The following PDE4D variants were observed in gnomAD, a reference collection of about 807,000 sequenced individuals.
PDE4D encodes the protein 3',5'-cyclic-AMP phosphodiesterase 4D.
A neutral mutation model predicts 87.4 loss-of-function variants in PDE4D; 24 were observed. That is an observed-to-expected ratio of 0.27 (90% CI 0.20 to 0.39). PDE4D has a LOEUF of 0.39. Among genes scored for constraint, PDE4D ranks in the 10% least tolerant of loss-of-function variants. The pLI, the probability that PDE4D is intolerant of heterozygous loss-of-function variation, is 1.00. For synonymous variants in PDE4D, 384 were observed against 383.2 expected (o/e 1.00, Z -0.02); for missense variants, 714 against 1,041.0 (o/e 0.69, Z 4.32).
At chr5:60,083,955 A>ATTC (rs1774255938) in intron 2 of PDE4D, among the ~76,000 whole-genome samples, 1 of 152,192 alleles carries the variant, frequency 6.6e-6, no homozygotes, top group Non-Finnish European at 1.5e-5. Context: ...GGCTTATTAG[A>ATTC]AATTCCCTCT....
chr5:60,378,777 C>T (rs534245962), intron 1 of PDE4D, among the ~76,000 whole-genome samples: 3 of 152,004 alleles, frequency 2.0e-5, no homozygotes, highest in African/African-American at 7.2e-5. Context: ...CACTTGAACC[C>T]GGAAGGCAGA....
intron 1 of PDE4D, among the ~76,000 whole-genome samples, chr5:60,505,273 C>T (rs1391853033): frequency 6.6e-6 from 1 of 152,214 alleles, no homozygotes; most frequent in East Asian, 1.9e-4. Context: ...CATTTTGGCA[C>T]ATTTAGGAAT....
chr5:59,347,499 C>T (rs1457483789), intron 1 of PDE4D, among the ~76,000 whole-genome samples: 3 of 152,096 alleles, frequency 2.0e-5, no homozygotes, highest in Non-Finnish European at 4.4e-5. Flanking sequence ...TTATTCTTAG[C>T]TTAAGGTGTT....
chr5:59,087,798 C>G (rs1366898708), intron 5 of PDE4D, among the ~76,000 whole-genome samples: 1 of 152,150 alleles, frequency 6.6e-6, no homozygotes, highest in African/African-American at 2.4e-5. Context: ...TTTGCTCGAA[C>G]TATTGACCCC....
intron 1 of PDE4D, among the ~76,000 whole-genome samples, chr5:59,732,688 C>T (rs1041176857): frequency 2.0e-5 from 3 of 152,020 alleles, no homozygotes; most frequent in African/African-American, 7.2e-5. Flanking sequence ...TTAGGCAAGA[C>T]AGCTAAAAGC....
At chr5:59,356,891 A>T (rs756579135) in intron 1 of PDE4D, 27 of 1,505,150 alleles carry the variant, frequency 1.8e-5, no homozygotes, top group Middle Eastern at 3.5e-4. Flanking sequence ...GAGAAGTCAG[A>T]GCTGGTGCGG....
chr5:60,519,712 G>A (rs1043950278), intron 1 of PDE4D, among the ~76,000 whole-genome samples: 7 of 152,210 alleles, frequency 4.6e-5, no homozygotes, highest in Non-Finnish European at 7.3e-5. Context: ...TGCCTTTGGA[G>A]GAGGCTTTTC....
At chr5:60,491,774 T>C (rs1749545445), upstream of PDE4D, among the ~76,000 whole-genome samples, 1 of 152,226 alleles carries the variant, frequency 6.6e-6, no homozygotes, top group Admixed American at 6.5e-5. Context: ...GTAGAAACTC[T>C]GGAGTCAGGC....
intron 2 of PDE4D, among the ~76,000 whole-genome samples, chr5:60,052,394 C>A (rs754798606): frequency 5.3e-5 from 8 of 152,210 alleles, no homozygotes; most frequent in South Asian, 2.1e-4. Flanking sequence ...ATATGCAAAT[C>A]ATTAAACATA....
chr5:60,119,902 T>G (rs1187384867), intron 2 of PDE4D, among the ~76,000 whole-genome samples: 1 of 152,140 alleles, frequency 6.6e-6, no homozygotes, highest in Non-Finnish European at 1.5e-5. Context: ...CATCAGTATA[T>G]ACATGGGACC....
intron 1 of PDE4D, among the ~76,000 whole-genome samples, chr5:59,404,412 A>T (rs937014165): frequency 2.6e-5 from 4 of 151,420 alleles, no homozygotes; most frequent in African/African-American, 7.3e-5. Context: ...CAATCCATGC[A>T]CTTTGGGAGG....
intron 5 of PDE4D, among the ~76,000 whole-genome samples, chr5:59,175,471 C>CTTTTTTTTTTTTTTT (rs563138575): frequency 1.1e-5 from 1 of 91,208 alleles, no homozygotes; most frequent in Non-Finnish European, 2.1e-5. Flanking sequence ...ATTTTTCTTT[C>CTTTTTTTTTTTTTTT]TTTTTTTTTT....
intron 1 of PDE4D, among the ~76,000 whole-genome samples, chr5:60,324,937 T>C (rs1756646455): frequency 1.3e-5 from 2 of 152,024 alleles, no homozygotes; most frequent in African/African-American, 4.8e-5. Context: ...ACTAGAAAAC[T>C]CAAAGACATG....
In PDE4D at chr5:59,571,491, G is replaced by A. The variant is rs893059546; in HGVS notation, c.455+321677C>T. Among the ~76,000 whole-genome samples the A allele has an allele frequency of 2.6e-5, 4 of 152,160 alleles. No individual in the cohort carries two copies. In the East Asian group the frequency reaches 7.7e-4, roughly 29 times the overall value. On this transcript the variant is annotated intron_variant, in intron 1 of 14. Transcript: ENST00000340635. ...AAGATAGATTTTGGGGAGAGGTGGGGGAAAGTGGCCACAATCTTCAATATT... is the reference window on the plus strand; with the variant it reads ...AAGATAGATTTTGGGGAGAGGTGGGAGAAAGTGGCCACAATCTTCAATATT...
intron 2 of PDE4D, among the ~76,000 whole-genome samples, chr5:60,090,220 C>A (rs568860360): frequency 1.2e-4 from 18 of 152,172 alleles, no homozygotes; most frequent in South Asian, 6.2e-4. Context: ...TAGATAAAAA[C>A]ACAACAAAAT....
At chr5:60,364,261 T>C (rs1037049984) in intron 1 of PDE4D, among the ~76,000 whole-genome samples, 1 of 152,126 alleles carries the variant, frequency 6.6e-6, no homozygotes, top group Non-Finnish European at 1.5e-5. Context: ...TCTGAATTCT[T>C]ACTCTGCCAG....
chr5:59,344,174 C>CT (rs889791655), intron 1 of PDE4D, among the ~76,000 whole-genome samples: 1 of 151,966 alleles, frequency 6.6e-6, no homozygotes, highest in African/African-American at 2.4e-5. Flanking sequence ...AATAAAAATA[C>CT]TTTTTATCTA....
chr5:60,472,948 G>A (rs967276942), intron 1 of PDE4D, among the ~76,000 whole-genome samples: 1 of 152,010 alleles, frequency 6.6e-6, no homozygotes, highest in Admixed American at 6.6e-5. Context: ...CATTTGATAG[G>A]TTAGGCATAT....
intron 2 of PDE4D, among the ~76,000 whole-genome samples, chr5:60,161,686 C>T (rs1432200566): frequency 2.0e-5 from 3 of 152,158 alleles, no homozygotes; most frequent in African/African-American, 4.8e-5. Context: ...GCACTACACT[C>T]ATTTACAGTG....
Sources: gnomAD v4.1 joint callset for allele counts (sites outside exome capture counted in the v4.1 genomes callset) on GRCh38, gnomAD v4.1.1 for gene constraint, MANE v1.5 for transcripts, NCBI Gene and HGNC (gene_info 2026-07-23, HGNC 2026-07-21) for gene names.